The following UBXN8 variants were observed in gnomAD, a reference collection of about 807,000 sequenced individuals.
The protein encoded by UBXN8 is UBX domain protein 8.
In UBXN8, 27 loss-of-function variants were observed where a neutral mutation model predicts 32.1. The ratio of observed to expected loss-of-function variants is 0.84; its 90% CI spans 0.62 to 1.16. The LOEUF (loss-of-function observed/expected upper bound fraction) is 1.16. Among genes scored for constraint, UBXN8 ranks in the 50% most tolerant of loss-of-function variants. The probability of loss-of-function intolerance (pLI) is 0.00; values close to 1 mark genes in which losing one functional copy is unlikely to be tolerated. For synonymous variants in UBXN8, 109 were observed against 111.8 expected (o/e 0.98, Z 0.16); for missense variants, 306 against 311.4 (o/e 0.98, Z 0.13).
upstream of UBXN8, chr8:30,732,401 G>A (rs952656082): frequency 3.5e-5 from 14 of 395,696 alleles, no homozygotes; most frequent in African/African-American, 2.5e-4. Flanking sequence ...TATCCGACGG[G>A]GAGTGCAGCC....
At chr8:30,752,257 G>A (rs887016815) in intron 2 of UBXN8, among the ~76,000 whole-genome samples, 4 of 152,076 alleles carry the variant, frequency 2.6e-5, no homozygotes, top group Non-Finnish European at 5.9e-5. Flanking sequence ...TTTTTACTTA[G>A]GCACCTTTGT....
intron 1 of UBXN8, among the ~76,000 whole-genome samples, chr8:30,747,894 C>CTTTTTTT (rs67334347): frequency 6.2e-4 from 22 of 35,636 alleles, no homozygotes; most frequent in Non-Finnish European, 8.7e-4. Flanking sequence ...TATATTTTTT[C>CTTTTTTT]TTTTTTTTTT....
chr8:30,764,582 C>T (rs140278938), intron 7 of UBXN8, among the ~76,000 whole-genome samples: 131 of 152,076 alleles, frequency 8.6e-4, no homozygotes, highest in Middle Eastern at 6.8e-3. Flanking sequence ...CATGATTTCC[C>T]GAAGAAGACT....
Position 30,754,726 on chromosome 8 carries a change from A to G in UBXN8, c.344A>G (p.Glu115Gly), listed in dbSNP as rs769483806. 6.4e-7 allele frequency: 1 copy of G among 1,566,120 alleles called. No homozygotes were observed. Among genetic ancestry groups the G allele is most frequent in the South Asian group, 1.2e-5 (1 of 80,948 alleles). Residue 115 changes from glutamate (E) to glycine (G), a missense_variant, in exon 4 of 8, where the codon GAG (glutamate) becomes GGG (glycine). Physicochemically the swap from Glu to Gly is moderately conservative, Grantham distance 98. Transcript: ENST00000265616. ...CAGGAAATGAAATTGAGAAAACTGG[A>G]GGAGCGCTTTTATCAAATGACGGGT... ...PHQEMKLRKL[E>G]ERFYQMTGEA... is the part of the protein sequence containing the mutation.
chr8:30,750,283 A>G (rs1805485054), intron 1 of UBXN8, among the ~76,000 whole-genome samples: 4 of 152,014 alleles, frequency 2.6e-5, no homozygotes, highest in Admixed American at 2.0e-4. Context: ...ACCAGCCTGG[A>G]CAACATGGCG....
At position 30,766,808 on chromosome 8, in the gene UBXN8, A is replaced by AAATT. The variant is rs1487965135; in HGVS notation, c.*417_*420dup. ...ATGTTTATTCTGCTGTATTTCTGTGAAATTAAAAACTTGGAAGAAGCTTCA... is the reference window on the plus strand; with the variant it reads ...ATGTTTATTCTGCTGTATTTCTGTGAAATTAATTAAAAACTTGGAAGAAGCTTCA... On this transcript the variant is annotated 3_prime_UTR_variant, in exon 8 of 8. Transcript: ENST00000265616. The AAATT allele has an allele frequency of 2.6e-5, 4 of 152,462 alleles. No individual in the cohort carries two copies. Among genetic ancestry groups the AAATT allele is most frequent in the Non-Finnish European group, 5.9e-5 (4 of 68,236 alleles). 9.4% of individuals were successfully genotyped at this position (152,462 alleles called of 1,614,324 possible).
At position 30,760,443 on chromosome 8, in the gene UBXN8, A is replaced by ATATATATTT. The variant is rs1196366158; in HGVS notation, c.529-444_529-443insATATATTTT. Among the ~76,000 whole-genome samples, 24 of 91,092 alleles carry ATATATATTT rather than the reference A, an allele frequency of 2.6e-4. 1 individual carries two copies. Among genetic ancestry groups the ATATATATTT allele is most frequent in the African/African-American group, 7.7e-4 (15 of 19,544 alleles). 59.8% of individuals were successfully genotyped at this position (91,092 alleles called of 152,430 possible). A position where few individuals can be genotyped will look rare whatever the true frequency, so the allele number is the denominator to read the frequency against. Reference sequence around the variant, plus strand: ...ATCATATATATATATATATATATATATTTTTTTTTTTTTTTAAAGTGACAG... The same window carrying ATATATATTT: ...ATCATATATATATATATATATATATATATATATTTTTTTTTTTTTTTTTTAAAGTGACAG... On this transcript the variant is annotated intron_variant, in intron 5 of 7. Transcript: ENST00000265616.
chr8:30,761,248 C>CTTTT (rs1165325480), intron 6 of UBXN8, among the ~76,000 whole-genome samples: 1 of 144,094 alleles, frequency 6.9e-6, no homozygotes, highest in Non-Finnish European at 1.5e-5. Context: ...GCTGAGTTGT[C>CTTTT]TTTTTTTTTT....
At chr8:30,742,595 G>A (rs1238952596), upstream of UBXN8, among the ~76,000 whole-genome samples, 1 of 151,818 alleles carries the variant, frequency 6.6e-6, no homozygotes, top group Non-Finnish European at 1.5e-5. Context: ...GCCTCCTTCC[G>A]CCTCCCAAAG....
chr8:30,745,726 T>G (rs571968713), intron 1 of UBXN8, among the ~76,000 whole-genome samples: 5 of 152,338 alleles, frequency 3.3e-5, no homozygotes, highest in Non-Finnish European at 5.9e-5. Context: ...TTCCCTTGTC[T>G]TTTCAACATC....
rs764564142 is a variant in UBXN8, at chr8:30,756,771, G to A, written c.412G>A (p.Glu138Lys). ...GTCTGTTGTGTTTGACCAGGGTGAT[G>A]AAGGTACAAGTCAGACATCTTTTGA... ...LSSGHKLGGD[E>K]GTSQTSFETS... The change falls in exon 5 of 8, where the codon GAA (glutamate) becomes AAA (lysine). Residue 138 changes from glutamate (E) to lysine (K), a missense_variant. Glu to Lys is a moderately conservative substitution (Grantham distance 56). Transcript: ENST00000265616. 7.4e-6 allele frequency: 12 copies of A among 1,613,920 alleles called. No homozygotes were observed. The African/African-American group carries it at 1.2e-4, about 16-fold the overall frequency.
At position 30,766,246 on chromosome 8, in the gene UBXN8, C is replaced by T. The variant is rs201673016; in HGVS notation, c.665C>T (p.Thr222Met). Residue 222 changes from threonine to methionine, a missense_variant, in exon 8 of 8, where the codon ACG becomes ATG. By Grantham distance (81) the Thr-to-Met change is moderately conservative. Coordinates refer to ENST00000265616, the MANE Select transcript of UBXN8 (RefSeq NM_005671.4). The stretch of plus-strand genomic sequence containing the variant: ...TTCTAGGTCTTATTTGACTGGATGA[C>T]GAGAATTGGGTACCACATATCTCTA... ...YSSQVLFDWM[T>M]RIGYHISLYS... 3.7e-5 allele frequency: 59 copies of T among 1,611,910 alleles called. 1 individual carries two copies. The highest frequency in any genetic ancestry group is 1.3e-4 in the Admixed American group (8 of 59,784).
In UBXN8 at chr8:30,756,892, A is replaced by G. The variant is rs1265010683; in HGVS notation, c.528+5A>G. 1 of 1,613,874 alleles carries G rather than the reference A, an allele frequency of 6.2e-7. No homozygotes were observed. The highest frequency in any genetic ancestry group is 2.2e-5 in the East Asian group (1 of 44,884). On this transcript the variant is annotated splice_donor_5th_base_variant and intron_variant, in intron 5 of 7. Transcript: ENST00000265616. ...GAACAGCCCACATGCAAGGAGGTAAAGTACTTCATGCCTCTCATTGAATTG... is the reference window on the plus strand; with the variant it reads ...GAACAGCCCACATGCAAGGAGGTAAGGTACTTCATGCCTCTCATTGAATTG...
intron 2 of UBXN8, among the ~76,000 whole-genome samples, chr8:30,752,761 A>G (rs1051650028): frequency 1.3e-5 from 2 of 152,230 alleles, no homozygotes; most frequent in South Asian, 2.1e-4. Context: ...AATTTGGTAC[A>G]TTGTGTTTTG....
chr8:30,753,130 T>C (rs745665252), intron 3 of UBXN8, 25 bp downstream of exon 3: 15 of 1,479,746 alleles, frequency 1.0e-5, no homozygotes, highest in East Asian at 2.6e-5. Flanking sequence ...TTAGAGACTT[T>C]ATGCGTAGAG....
intron 4 of UBXN8, among the ~76,000 whole-genome samples, 169 bp downstream of exon 4, chr8:30,754,956 GTT>G (rs34741520): frequency 1.5e-5 from 2 of 129,622 alleles, no homozygotes; most frequent in Non-Finnish European, 1.6e-5. Flanking sequence ...GGGGTTGGTC[GTT>G]TTTTTTTTTT....
intron 3 of UBXN8, among the ~76,000 whole-genome samples, 183 bp downstream of exon 3, chr8:30,753,288 G>A (rs1447217336): frequency 1.3e-5 from 2 of 151,990 alleles, no homozygotes; most frequent in Admixed American, 6.6e-5. Context: ...ATGGAGTCTC[G>A]CTGTGTCACC....
intron 5 of UBXN8, among the ~76,000 whole-genome samples, chr8:30,759,262 G>T (rs1805760107): frequency 6.6e-6 from 1 of 151,588 alleles, no homozygotes; most frequent in South Asian, 2.1e-4. Flanking sequence ...TTGAGACAGA[G>T]CCTCACTCTG....
At chr8:30,747,796 T>C (rs1413922777) in intron 1 of UBXN8, among the ~76,000 whole-genome samples, 1 of 138,846 alleles carries the variant, frequency 7.2e-6, no homozygotes, top group Non-Finnish European at 1.5e-5. Context: ...TTTAAATTGC[T>C]AGGGTTTTTA....
Sources: gnomAD v4.1 joint callset for allele counts (sites outside exome capture counted in the v4.1 genomes callset) on GRCh38, gnomAD v4.1.1 for gene constraint, MANE v1.5 for transcripts, NCBI Gene and HGNC (gene_info 2026-07-23, HGNC 2026-07-21) for gene names.